Variants in TTN observed in about 807,000 individuals in gnomAD.
TTN encodes the protein titin.
In TTN, 1,525 loss-of-function variants were observed where a neutral mutation model predicts 3,223.0. The ratio of observed to expected loss-of-function variants is 0.47; its 90% confidence interval spans 0.45 to 0.49. TTN has a LOEUF of 0.49. Among genes scored for constraint, TTN ranks in the 20% least tolerant of loss-of-function variants. The pLI is 0.00. For synonymous variants in TTN, 14,094 were observed against 15,161.0 expected, an observed-to-expected ratio of 0.93 and a Z score of 5.17; for missense variants, 40,786 against 43,424.0, an observed-to-expected ratio of 0.94 and a Z score of 5.40.
Position 178,598,927 on chromosome 2 carries a change from G to C in TTN, c.56783C>G (p.Ser18928Ter). The change falls in exon 291 of 363, where the codon TCA becomes TGA. Residue 18928 changes from serine (S) to a stop codon, truncating the protein, a stop_gained. Coordinates refer to ENST00000589042, the MANE Select transcript of TTN (RefSeq NM_001267550.2). LOFTEE classifies it high-confidence loss of function. ...GYWLEMKDTTSKRWKRVNRDP... is the reference protein window; with the variant it reads ...GYWLEMKDTT ...TCGGTTAACTCTCTTCCATCTCTTT[G>C]AAGTGGTGTCTTTCATTTCCAGCCA... The C allele has an allele frequency of 6.2e-7, 1 of 1,612,936 alleles. No homozygotes were observed. Among genetic ancestry groups the C allele is most frequent in the Non-Finnish European group, 8.5e-7 (1 of 1,179,470 alleles).
At position 178,587,313 on chromosome 2, in the gene TTN, G is replaced by A. The variant is rs376033054; in HGVS notation, c.63898C>T (p.His21300Tyr). 1.9e-6 allele frequency: 3 copies of A among 1,612,684 alleles called. No homozygotes were observed. The highest frequency in any genetic ancestry group is 2.7e-5 in the African/African-American group (2 of 74,774). ...GCCTCACGTTTCTCCACGATATAAT[G>A]TGTCACTTGGCTCCCACCGTCGTTT... ...PENDGGSQVTHYIVEKREADR... is the reference protein window; with the variant it reads ...PENDGGSQVTYYIVEKREADR... The change falls in exon 307 of 363, where the codon CAT (histidine) becomes TAT (tyrosine). Residue 21300 changes from histidine to tyrosine, a missense_variant. His to Tyr is a moderately conservative substitution (Grantham distance 83). Transcript: ENST00000589042.
In TTN at chr2:178,804,572, G is replaced by A. The variant is rs536235994; in HGVS notation, c.71C>T (p.Thr24Ile). The A allele has an allele frequency of 4.3e-6, 7 of 1,613,866 alleles. No individual in the cohort carries two copies. Among genetic ancestry groups the A allele is most frequent in the South Asian group, 1.1e-5 (1 of 91,038 alleles). The part of the protein sequence containing the change: ...SVVVLEGSTA[T>I]FEAHISGFPV... Reference sequence around the variant, plus strand: ...CTTACCACTAATGTGAGCCTCAAAGGTTGCGGTACTACCCTCCAGTACCAC... The same window carrying A: ...CTTACCACTAATGTGAGCCTCAAAGATTGCGGTACTACCCTCCAGTACCAC... Residue 24 changes from threonine (T) to isoleucine (I), a missense_variant, in exon 2 of 363, where the codon ACC (threonine) becomes ATC (isoleucine). Coordinates refer to ENST00000589042, the MANE Select transcript of TTN (RefSeq NM_001267550.2).
rs1576643620 is a variant in TTN at position 178,628,635 on chromosome 2, A to G, written c.44424+666T>C. 3 of 152,230 alleles carry G rather than the reference A, an allele frequency of 2.0e-5. No homozygotes were observed. In the East Asian group the frequency reaches 5.8e-4, roughly 30 times the overall value. The allele number at this position is 152,230 out of a possible 1,614,324, so 9.4% of individuals were successfully genotyped here. A position where few individuals can be genotyped will look rare whatever the true frequency, so the allele number is the denominator to read the frequency against. On this transcript the variant is annotated intron_variant, in intron 240 of 362. Transcript: ENST00000589042. ...CATAAAGAATGTTAGTAAAAGCTAA[A>G]AGCAGGAGCTAGTTATTTACCAAAG...
Position 178,652,175 on chromosome 2 carries a change from T to C in TTN, c.39216A>G (p.Pro13072=). The C allele has an allele frequency of 6.2e-7, 1 of 1,612,158 alleles. No homozygotes were observed. ...CTGGGACAGCTACCTTTGGCACCTC[T>C]GGGACTTTAAAAGATATTATTATTT... is the stretch of plus-strand genomic sequence containing the variant. The part of the protein sequence containing the change: ...KKPEVPPTKV[P]EVPKVAVPEK... The change falls in exon 204 of 363, where the codon CCA becomes CCG. Residue 13072 remains proline, a synonymous_variant. Transcript: ENST00000589042.
At position 178,544,338 on chromosome 2, in the gene TTN, G is replaced by T. The variant is rs1354236675; in HGVS notation, c.95891C>A (p.Thr31964Lys). The stretch of plus-strand genomic sequence containing the variant: ...CACAGTGAATTCAGTATTTCTTATT[G>T]TGGCATTGGTATGCACTCGGTACCA... ...DQWYRVHTNA[T>K]IRNTEFTVPD... The change falls in exon 345 of 363, where the codon ACA becomes AAA. Residue 31964 changes from threonine to lysine, a missense_variant. Transcript: ENST00000589042. 2.5e-6 allele frequency: 4 copies of T among 1,613,494 alleles called. No individual in the cohort carries two copies. The highest frequency in any genetic ancestry group is 3.4e-6 in the Non-Finnish European group (4 of 1,179,734).
At position 178,571,262 on chromosome 2, in the gene TTN, T is replaced by C. The variant is rs760043791; in HGVS notation, c.74870A>G (p.Lys24957Arg). Residue 24957 changes from lysine to arginine, a missense_variant, in exon 326 of 363, where the codon AAG (lysine) becomes AGG (arginine). By Grantham distance (26) the Lys-to-Arg change is conservative (BLOSUM62 2). Coordinates refer to ENST00000589042, the MANE Select transcript of TTN (RefSeq NM_001267550.2). ...RKERNSILWVKLNKTPIPQTK... is the reference protein window; with the variant it reads ...RKERNSILWVRLNKTPIPQTK... ...TTGAGGAATAGGTGTTTTATTCAAC[T>C]TAACCCAGAGGATGCTATTTCTTTC... 3 of 1,613,412 alleles carry C rather than the reference T, an allele frequency of 1.9e-6. No homozygotes were observed. The African/African-American group carries it at 4.0e-5, about 22-fold the overall frequency.
intron 47 of TTN, chr2:178,751,614 G>C (rs2085528719): frequency 6.2e-7 from 1 of 1,613,222 alleles, no homozygotes; most frequent in Admixed American, 1.7e-5. Flanking sequence ...TGGATAACAA[G>C]CAATGATGCA....
rs1380085253 is a variant in TTN at position 178,543,465 on chromosome 2, C to G, written c.96508G>C (p.Val32170Leu). 1.2e-6 allele frequency: 2 copies of G among 1,613,766 alleles called. No homozygotes were observed. Among genetic ancestry groups the G allele is most frequent in the Non-Finnish European group, 1.7e-6 (2 of 1,179,760 alleles). Residue 32170 changes from valine to leucine, a missense_variant, in exon 347 of 363, where the codon GTA becomes CTA. Physicochemically the swap from Val to Leu is conservative, Grantham distance 32 (BLOSUM62 1). Coordinates refer to ENST00000589042, the MANE Select transcript of TTN (RefSeq NM_001267550.2). The stretch of plus-strand genomic sequence containing the variant: ...CTGAAATAGTACATGGTTCCTTCTA[C>G]AAGTCCAGAAATTCTGTAAAGTGTC... ...SKTLYRISGL[V>L]EGTMYYFRVL...
At chr2:178,746,231 T>A (rs2083514349) in intron 47 of TTN, 2 of 1,612,876 alleles carry the variant, frequency 1.2e-6, no homozygotes, top group Non-Finnish European at 1.7e-6. Flanking sequence ...TTCTGGAATT[T>A]TAAAATCACA....
chr2:178,797,040 C>T (rs899114950), intron 6 of TTN, among the ~76,000 whole-genome samples: 1 of 152,058 alleles, frequency 6.6e-6, no homozygotes, highest in African/African-American at 2.4e-5. Flanking sequence ...AATTTTGGGG[C>T]AATTTGGATG....
chr2:178,750,609 A>G (rs751079100), intron 47 of TTN: 2 of 1,612,726 alleles, frequency 1.2e-6, no homozygotes, highest in South Asian at 2.2e-5. Context: ...GAATTTTCAA[A>G]AAATCTCATG....
intron 33 of TTN, 118 bp from the exon 34 acceptor site, chr2:178,771,589 T>C (rs2091494191): frequency 7.1e-7 from 1 of 1,415,884 alleles, no homozygotes; most frequent in African/African-American, 1.4e-5. Context: ...AATCATGAAA[T>C]GTCTATGATT....
At chr2:178,696,842 A>C (rs1478028908) in intron 113 of TTN, among the ~76,000 whole-genome samples, 1 of 152,104 alleles carries the variant, frequency 6.6e-6, no homozygotes, top group Admixed American at 6.6e-5. Flanking sequence ...CATTTGTGTT[A>C]ACTACAATAA....
At position 178,560,658 on chromosome 2, in the gene TTN, C is replaced by T; in HGVS notation, c.85474G>A (p.Glu28492Lys). The change falls in exon 326 of 363, where the codon GAA becomes AAA. Residue 28492 changes from glutamate to lysine, a missense_variant. Glu to Lys is a moderately conservative substitution (Grantham distance 56, BLOSUM62 1). Transcript: ENST00000589042. Reference protein sequence around the residue: ...DIDYYIVEKRETSHLAWTICE... With the variant: ...DIDYYIVEKRKTSHLAWTICE... The stretch of plus-strand genomic sequence containing the variant: ...ATTGTCCATGCAAGGTGGCTTGTTT[C>T]ACGTTTTTCTACGATGTAATAGTCG... 1 of 1,613,640 alleles carries T rather than the reference C, an allele frequency of 6.2e-7. No individual in the cohort carries two copies. Among genetic ancestry groups the T allele is most frequent in the Non-Finnish European group, 8.5e-7 (1 of 1,179,766 alleles).
chr2:178,594,109 C>T lies in TTN; in HGVS notation c.58284G>A (p.Leu19428=), dbSNP rs1458134212. The T allele has an allele frequency of 3.7e-6, 6 of 1,613,330 alleles. No individual in the cohort carries two copies. In the Admixed American group the frequency reaches 1.0e-4, roughly 27 times the overall value. The change falls in exon 297 of 363, where the codon CTG becomes CTA. Residue 19428 remains leucine (L), a synonymous_variant. Transcript: ENST00000589042. ...VSWFKDEADV[L]EDDRTHIKTT... is the part of the protein sequence containing the mutation. ...TCTTTATATGAGTGCGATCATCTTCCAGCACATCAGCTTCATCTTTGAACC... is the reference window on the plus strand; with the variant it reads ...TCTTTATATGAGTGCGATCATCTTCTAGCACATCAGCTTCATCTTTGAACC...
rs879220186 is a variant in TTN, at chr2:178,572,353, A to G, written c.73779T>C (p.Val24593=). ...CAATGCCATATTCATTTTCTGCGAG[A>G]ACCCTGAAATAGTAGCTACAGCCTT... The part of the protein sequence containing the change: ...LQEGCSYYFR[V]LAENEYGIGL... Residue 24593 remains valine (V), a synonymous_variant, in exon 326 of 363, where the codon GTT becomes GTC. Transcript: ENST00000589042. 1 of 1,611,936 alleles carries G rather than the reference A, an allele frequency of 6.2e-7. No homozygotes were observed. The highest frequency in any genetic ancestry group is 1.3e-5 in the African/African-American group (1 of 74,860).
chr2:178,778,466 T>C (rs1205019394), intron 24 of TTN: 2 of 306,094 alleles, frequency 6.5e-6, no homozygotes, highest in Non-Finnish European at 1.2e-5. Context: ...CAGACTGACT[T>C]GGAGTTTGAA....
rs751773148 is a variant in TTN at position 178,527,209 on chromosome 2, C to T, written c.107779G>A (p.Glu35927Lys). The T allele has an allele frequency of 3.1e-6, 5 of 1,613,934 alleles. No homozygotes were observed. The South Asian group carries it at 5.5e-5, about 18-fold the overall frequency. Residue 35927 changes from glutamate (E) to lysine (K), a missense_variant, in exon 363 of 363, where the codon GAA (glutamate) becomes AAA (lysine). Glu to Lys is a moderately conservative substitution (Grantham distance 56). Coordinates refer to ENST00000589042, the MANE Select transcript of TTN (RefSeq NM_001267550.2). ...CTTCCACCACAGGACCATGTTACTT[C>T]TGGGGTAGGCTCACCCGTGAAAGCA... is the stretch of plus-strand genomic sequence containing the variant. Reference protein sequence around the residue: ...ACAFTGEPTPEVTWSCGGRKI... With the variant: ...ACAFTGEPTPKVTWSCGGRKI...
chr2:178,584,356 A>C lies in TTN; in HGVS notation c.65195T>G (p.Phe21732Cys). 6.2e-7 allele frequency: 1 copy of C among 1,613,034 alleles called. No homozygotes were observed. Among genetic ancestry groups the C allele is most frequent in the Non-Finnish European group, 8.5e-7 (1 of 1,179,308 alleles). ...AGCTTTGTTTAGGGCATAGATTCTG[A>C]ATGAATACTCAAGACCTTCTACAAG... ...AGLVEGLEYS[F>C]RIYALNKAGS... The change falls in exon 311 of 363, where the codon TTC (phenylalanine) becomes TGC (cysteine). Residue 21732 changes from phenylalanine (F) to cysteine (C), a missense_variant. Coordinates refer to ENST00000589042, the MANE Select transcript of TTN (RefSeq NM_001267550.2).
Sources: gnomAD v4.1 joint callset for allele counts (sites outside exome capture counted in the v4.1 genomes callset) on GRCh38, gnomAD v4.1.1 for gene constraint, MANE v1.5 for transcripts, NCBI Gene and HGNC (gene_info 2026-07-23, HGNC 2026-07-21) for gene names.